The following SLC7A14 variants were observed in gnomAD, a reference collection of about 807,000 sequenced individuals.
SLC7A14 encodes the protein gamma-aminobutyric acid transporter SLC7A14.
Under a neutral mutation model 60.2 loss-of-function variants are expected in SLC7A14, and 37 were observed. The observed-to-expected ratio is 0.61, with a 90% CI of 0.47 to 0.81. SLC7A14 has a LOEUF of 0.81. SLC7A14 is among the 30% of genes least tolerant of loss of function. The probability of loss-of-function intolerance (pLI) is 0.00; values close to 1 mark genes in which losing one functional copy is unlikely to be tolerated. For synonymous variants in SLC7A14, 399 were observed against 395.8 expected, an observed-to-expected ratio of 1.01 and a Z score of -0.10; for missense variants, 886 against 982.7, an observed-to-expected ratio of 0.90 and a Z score of 1.32.
intron 1 of SLC7A14, among the ~76,000 whole-genome samples, chr3:170,533,437 T>G (rs536864608): frequency 2.3e-4 from 35 of 152,198 alleles, no homozygotes; most frequent in Non-Finnish European, 4.4e-4. Flanking sequence ...AGTCTTCAAG[T>G]TTTTGATAGC....
At chr3:170,542,075 A>C (rs926590038) in intron 1 of SLC7A14, among the ~76,000 whole-genome samples, 3 of 152,128 alleles carry the variant, frequency 2.0e-5, no homozygotes, top group Non-Finnish European at 4.4e-5. Flanking sequence ...TCCACTTTGG[A>C]GATACAATTT....
chr3:170,527,077 G>T lies in SLC7A14; in HGVS notation c.-141C>A. On this transcript the variant is annotated 5_prime_UTR_variant, in exon 2 of 8. Transcript: ENST00000231706. ...GAGGGACCCAGTGCAGCCTTCTCCT[G>T]GGCATGAATGTCTGCAGGAAAAACA... The T allele has an allele frequency of 1.2e-6, 1 of 829,830 alleles. No individual in the cohort carries two copies. The highest frequency in any genetic ancestry group is 1.8e-6 in the Non-Finnish European group (1 of 546,586). The allele number at this position is 829,830 out of a possible 1,614,324, so 51.4% of individuals were successfully genotyped here. A position where few individuals can be genotyped will look rare whatever the true frequency, so the allele number is the denominator to read the frequency against.
intron 5 of SLC7A14, 21 bp from the exon 6 acceptor site, chr3:170,483,543 A>G: frequency 6.2e-7 from 1 of 1,613,746 alleles, no homozygotes; most frequent in Non-Finnish European, 8.5e-7. Flanking sequence ...AAGAGAAGAC[A>G]GGGCTGGAGG....
At chr3:170,565,661 C>A (rs1204787272) in intron 1 of SLC7A14, among the ~76,000 whole-genome samples, 1 of 152,092 alleles carries the variant, frequency 6.6e-6, no homozygotes, top group African/African-American at 2.4e-5. Flanking sequence ...GCTTGACTTC[C>A]TCTTCTTGCT....
intron 6 of SLC7A14, among the ~76,000 whole-genome samples, chr3:170,481,488 A>C (rs1577500651): frequency 1.4e-5 from 2 of 142,750 alleles, no homozygotes; most frequent in African/African-American, 5.3e-5. Context: ...TGCAACCTCC[A>C]CCTCCTGGGT....
Position 170,532,633 on chromosome 3 carries a change from G to A in SLC7A14, c.-152-5545C>T, listed in dbSNP as rs142215981. Among the ~76,000 whole-genome samples, 59 of 152,026 alleles carry A rather than the reference G, an allele frequency of 3.9e-4. No homozygotes were observed. Among genetic ancestry groups the A allele is most frequent in the Middle Eastern group, 3.4e-3 (1 of 290 alleles). On this transcript the variant is annotated intron_variant, in intron 1 of 7. Transcript: ENST00000231706. This position sits in a 1 kb window ranked among gnomAD's most constrained non-coding sequence, Gnocchi z 4.0. ...GGCGTATAGTGCATGCTGTGGGAGCGTTAGCTAGCATCACCCTGCTGTGGC... is the reference window on the plus strand; with the variant it reads ...GGCGTATAGTGCATGCTGTGGGAGCATTAGCTAGCATCACCCTGCTGTGGC...
chr3:170,488,482 C>T (rs187267072), intron 4 of SLC7A14, among the ~76,000 whole-genome samples: 1 of 152,152 alleles, frequency 6.6e-6, no homozygotes, highest in African/African-American at 2.4e-5. Flanking sequence ...TACTGGTCTT[C>T]AAGGATGAAC....
rs1445343708 is a variant in SLC7A14, at chr3:170,462,175, TTGGGCCCC to T, written c.*4872_*4879del. 2.0e-5 allele frequency: 3 copies of T among 152,212 alleles called. No homozygotes were observed. The highest frequency in any genetic ancestry group is 7.2e-5 in the African/African-American group (3 of 41,448). 9.4% of individuals were successfully genotyped at this position (152,212 alleles called of 1,614,324 possible). The stretch of plus-strand genomic sequence containing the variant: ...CCTCCGCGGACTTTCCTCTGACATC[TTGGGCCCC>T]TGGTAAAACCTAGTGCGAAAGGGGA... On this transcript the variant is annotated 3_prime_UTR_variant, in exon 8 of 8. Transcript: ENST00000231706.
intron 4 of SLC7A14, chr3:170,495,826 A>T: frequency 8.8e-7 from 1 of 1,130,140 alleles, no homozygotes; most frequent in East Asian, 2.3e-5. Context: ...CTGCAGCAGC[A>T]GAAGATGGCT....
chr3:170,501,240 C>T lies in SLC7A14; in HGVS notation c.410G>A (p.Trp137Ter). 1 of 1,614,198 alleles carries T rather than the reference C, an allele frequency of 6.2e-7. No individual in the cohort carries two copies. Among genetic ancestry groups the T allele is most frequent in the South Asian group, 1.1e-5 (1 of 91,080 alleles). Residue 137 changes from tryptophan (W) to a stop codon, truncating the protein, a stop_gained, in exon 3 of 8, where the codon TGG (tryptophan) becomes TAG (stop). Transcript: ENST00000231706. LOFTEE classifies it high-confidence loss of function. The part of the protein sequence containing the change: ...VGEFVAFFIG[W>*]NLILEYLIGT... ...AATCAGGTACTCCAGGATCAGGTTCCAGCCAATGAAAAATGCCACAAATTC... is the reference window on the plus strand; with the variant it reads ...AATCAGGTACTCCAGGATCAGGTTCTAGCCAATGAAAAATGCCACAAATTC...
At chr3:170,518,111 A>T (rs1413735258) in intron 2 of SLC7A14, among the ~76,000 whole-genome samples, 1 of 151,980 alleles carries the variant, frequency 6.6e-6, no homozygotes, top group African/African-American at 2.4e-5. Flanking sequence ...TTAACCTCTG[A>T]CTCTGGTTCC....
At chr3:170,572,984 T>A (rs548658628) in intron 1 of SLC7A14, among the ~76,000 whole-genome samples, 2 of 152,002 alleles carry the variant, frequency 1.3e-5, no homozygotes, top group African/African-American at 4.8e-5. Context: ...GCGTGATTTT[T>A]AAAAAAAACC....
At chr3:170,566,647 C>G (rs550625134) in intron 1 of SLC7A14, among the ~76,000 whole-genome samples, 99 of 152,252 alleles carry the variant, frequency 6.5e-4, no homozygotes, top group Non-Finnish European at 1.2e-3. Flanking sequence ...CTCCCACTGC[C>G]TGTGGCTTAA....
At chr3:170,481,736 G>C (rs1171833325) in intron 6 of SLC7A14, among the ~76,000 whole-genome samples, 8 of 152,136 alleles carry the variant, frequency 5.3e-5, no homozygotes, top group Admixed American at 3.3e-4. Context: ...CTTTAGTAAA[G>C]TTCCTAATCA....
intron 2 of SLC7A14, among the ~76,000 whole-genome samples, chr3:170,511,782 G>C (rs1712989508): frequency 6.6e-6 from 1 of 152,210 alleles, no homozygotes; most frequent in East Asian, 1.9e-4. Flanking sequence ...TCTAGACCAA[G>C]CCCTAGGTGT....
intron 4 of SLC7A14, among the ~76,000 whole-genome samples, chr3:170,487,232 T>A (rs1560254477): frequency 6.8e-6 from 1 of 147,578 alleles, no homozygotes; most frequent in Admixed American, 7.0e-5. Context: ...ATTATATATG[T>A]CAAAATGTCA....
intron 1 of SLC7A14, among the ~76,000 whole-genome samples, chr3:170,533,391 A>G (rs1713738015): frequency 6.6e-6 from 1 of 152,164 alleles, no homozygotes. Context: ...TGCTCTCTGT[A>G]TCTATACAGA....
chr3:170,541,992 C>T (rs1032264718), intron 1 of SLC7A14, among the ~76,000 whole-genome samples: 11 of 152,188 alleles, frequency 7.2e-5, no homozygotes, highest in South Asian at 6.2e-4. Context: ...TACGCATCTC[C>T]GTTACGGTGA....
chr3:170,557,027 A>G (rs1316278731), intron 1 of SLC7A14, among the ~76,000 whole-genome samples: 2 of 152,110 alleles, frequency 1.3e-5, no homozygotes, highest in South Asian at 4.1e-4. Context: ...TTTCTCTTGC[A>G]CCCATTTCTC....
Sources: gnomAD v4.1 joint callset for allele counts (sites outside exome capture counted in the v4.1 genomes callset) on GRCh38, gnomAD v4.1.1 for gene constraint, Gnocchi (gnomAD v3.1) non-coding constraint, MANE v1.5 for transcripts, NCBI Gene and HGNC (gene_info 2026-07-23, HGNC 2026-07-21) for gene names.